The following TRABD2A variants were observed in gnomAD, a reference collection of about 807,000 sequenced individuals.
The protein encoded by TRABD2A is TraB domain containing 2A, also known as metalloprotease TIKI1.
Under a neutral mutation model 45.6 loss-of-function variants are expected in TRABD2A, and 43 were observed. The observed-to-expected ratio is 0.94, with a 90% CI of 0.74 to 1.22. The LOEUF (loss-of-function observed/expected upper bound fraction) is 1.22, where lower values mean the gene tolerates loss of function less well. Ranked by LOEUF, TRABD2A falls within the 50% of genes most tolerant of loss-of-function variation. The pLI, the probability that TRABD2A is intolerant of heterozygous loss-of-function variation, is 0.00. For synonymous variants in TRABD2A, 269 were observed against 265.0 expected, an observed-to-expected ratio of 1.02 and a Z score of -0.15; for missense variants, 642 against 652.4, an observed-to-expected ratio of 0.98 and a Z score of 0.17.
chr2:84,858,812 T>C (rs997430136), intron 2 of TRABD2A, among the ~76,000 whole-genome samples: 1 of 152,114 alleles, frequency 6.6e-6, no homozygotes, highest in African/African-American at 2.4e-5. Context: ...GGGTTCAAAC[T>C]CCAGTGGAAC....
At chr2:84,866,454 G>A (rs1682678677) in intron 2 of TRABD2A, among the ~76,000 whole-genome samples, 1 of 152,120 alleles carries the variant, frequency 6.6e-6, no homozygotes, top group Non-Finnish European at 1.5e-5. Context: ...TAGCCCTTCT[G>A]TTTTATGCTT....
At chr2:84,862,395 C>T (rs1682530376) in intron 2 of TRABD2A, among the ~76,000 whole-genome samples, 1 of 152,124 alleles carries the variant, frequency 6.6e-6, no homozygotes, top group Non-Finnish European at 1.5e-5. Context: ...GAGCTGGCTG[C>T]TAGGGTTTCA....
chr2:84,863,485 G>A (rs1439996043), intron 2 of TRABD2A, among the ~76,000 whole-genome samples: 1 of 151,112 alleles, frequency 6.6e-6, no homozygotes, highest in Admixed American at 6.6e-5. Context: ...GCCCGCCTCG[G>A]CCTCCCAAAG....
chr2:84,851,080 T>C (rs1682077202), intron 2 of TRABD2A: 1 of 152,250 alleles, frequency 6.6e-6, no homozygotes. Context: ...CCATTCTTGC[T>C]ACCTGCAAAA....
At chr2:84,839,616 AAAG>A (rs956211652) in intron 3 of TRABD2A, among the ~76,000 whole-genome samples, 9 of 152,246 alleles carry the variant, frequency 5.9e-5, no homozygotes, top group African/African-American at 1.4e-4. Flanking sequence ...AAAAAAAAAA[AAAG>A]GACACTGTCT....
Position 84,824,008 on chromosome 2 carries a change from G to C in TRABD2A, c.1279C>G (p.Gln427Glu). 2.5e-6 allele frequency: 4 copies of C among 1,613,806 alleles called. No individual in the cohort carries two copies. Among genetic ancestry groups the C allele is most frequent in the Non-Finnish European group, 3.4e-6 (4 of 1,179,762 alleles). The change falls in exon 6 of 7, where the codon CAG becomes GAG. Residue 427 changes from glutamine to glutamate, a missense_variant. By Grantham distance (29) the Gln-to-Glu change is conservative. Transcript: ENST00000409520. Reference protein sequence around the residue: ...QRFRKKRRRSQRRPRLRQFSD... With the variant: ...QRFRKKRRRSERRPRLRQFSD... The stretch of plus-strand genomic sequence containing the variant: ...AATTGCCGGAGTCGCGGCCTCCGCT[G>C]TGACCGCCTCCGCTTCTTCCGGAAC...
intron 2 of TRABD2A, among the ~76,000 whole-genome samples, chr2:84,842,811 G>A (rs913617569): frequency 1.3e-5 from 2 of 151,926 alleles, no homozygotes; most frequent in Admixed American, 6.5e-5. Context: ...ACTAATGTGC[G>A]ATGTGGGTCT....
intron 5 of TRABD2A, among the ~76,000 whole-genome samples, chr2:84,825,077 C>A (rs1018560112): frequency 1.3e-5 from 2 of 152,160 alleles, no homozygotes; most frequent in Non-Finnish European, 2.9e-5. Context: ...GAGAAGAATT[C>A]TACTAGATGT....
chr2:84,872,913 G>A (rs1168859155), intron 1 of TRABD2A, among the ~76,000 whole-genome samples: 2 of 150,250 alleles, frequency 1.3e-5, no homozygotes, highest in Admixed American at 6.6e-5. Flanking sequence ...TCAGGAGTTC[G>A]CGATCAGCCT....
intron 1 of TRABD2A, among the ~76,000 whole-genome samples, chr2:84,877,942 T>C (rs113715557): frequency 2.0e-5 from 3 of 152,350 alleles, no homozygotes; most frequent in African/African-American, 7.2e-5. Context: ...TTCTGGATAC[T>C]GGGGATGCAG....
chr2:84,855,399 A>G (rs149810527), intron 2 of TRABD2A, among the ~76,000 whole-genome samples: 2,008 of 152,266 alleles, frequency 0.013, 19 homozygotes, highest in Middle Eastern at 0.041. Context: ...ACAGATTGCT[A>G]CTTTCACATT....
At chr2:84,866,680 T>TG (rs1259964516) in intron 2 of TRABD2A, among the ~76,000 whole-genome samples, 1 of 131,570 alleles carries the variant, frequency 7.6e-6, no homozygotes, top group African/African-American at 3.2e-5. Context: ...TCCAATTTCC[T>TG]GCTTTTTTTT....
intron 2 of TRABD2A, among the ~76,000 whole-genome samples, chr2:84,844,428 G>C (rs1681816520): frequency 6.6e-6 from 1 of 152,194 alleles, no homozygotes; most frequent in Non-Finnish European, 1.5e-5. Flanking sequence ...CCCCAGGCAA[G>C]TGGAACTGTG....
chr2:84,849,219 C>A (rs565819586), intron 2 of TRABD2A, among the ~76,000 whole-genome samples: 1 of 152,224 alleles, frequency 6.6e-6, no homozygotes, highest in African/African-American at 2.4e-5. Context: ...GAAACCCAAG[C>A]AGAATTCTAC....
At chr2:84,850,537 G>A (rs1467445881) in intron 2 of TRABD2A, among the ~76,000 whole-genome samples, 1 of 152,116 alleles carries the variant, frequency 6.6e-6, no homozygotes, top group Non-Finnish European at 1.5e-5. Context: ...ACACTCAGTA[G>A]GAGTTTGGGG....
Position 84,841,883 on chromosome 2 carries a change from A to T in TRABD2A, c.794T>A (p.Ile265Asn), listed in dbSNP as rs1681722446. ...CACCTGGGAGCTGTCATGGCTGAGG[A>T]TGACGGAGCTGAGGTCCCCGCAGTT... is the stretch of plus-strand genomic sequence containing the variant. ...HYNCGDLSSV[I>N]LSHDSSQVPN... Residue 265 changes from isoleucine (I) to asparagine (N), a missense_variant, in exon 3 of 7, where the codon ATC becomes AAC. Transcript: ENST00000409520. 1.3e-6 allele frequency: 2 copies of T among 1,542,436 alleles called. No individual in the cohort carries two copies. Among genetic ancestry groups the T allele is most frequent in the Non-Finnish European group, 1.7e-6 (2 of 1,144,000 alleles).
chr2:84,859,990 T>C (rs368521482), intron 2 of TRABD2A, among the ~76,000 whole-genome samples: 16 of 152,098 alleles, frequency 1.1e-4, no homozygotes, highest in African/African-American at 3.9e-4. Context: ...GGTCTCGAAC[T>C]CCTGGGCTCA....
At chr2:84,879,618 G>C in intron 1 of TRABD2A, 1 of 985,310 alleles carries the variant, frequency 1.0e-6, no homozygotes, top group South Asian at 4.7e-5. Flanking sequence ...GTCGGTAATA[G>C]GTTTTGCAGA....
At chr2:84,824,301 A>T in intron 5 of TRABD2A, 97 bp from the exon 6 acceptor site, 6 of 1,501,482 alleles carry the variant, frequency 4.0e-6, no homozygotes, top group Non-Finnish European at 5.3e-6. Context: ...AGACAAAGGC[A>T]GATAACCTGA....
Sources: allele counts gnomAD v4.1 joint callset (sites outside exome capture counted in the v4.1 genomes callset), GRCh38; gene constraint gnomAD v4.1.1; transcripts MANE v1.5; gene names NCBI Gene and HGNC (gene_info 2026-07-23, HGNC 2026-07-21).